The following HOMER1 variants were observed in gnomAD, a reference collection of about 807,000 sequenced individuals.
HOMER1 encodes homer scaffold protein 1.
Under a neutral mutation model 48.9 loss-of-function variants are expected in HOMER1, and 3 were observed. The ratio of observed to expected loss-of-function variants is 0.06; its 90% CI spans 0.03 to 0.16. The LOEUF (loss-of-function observed/expected upper bound fraction) is 0.16. Among genes scored for constraint, HOMER1 ranks in the 10% least tolerant of loss-of-function variants. HOMER1 has a pLI of 1.00. For synonymous variants in HOMER1, 134 were observed against 146.4 expected (o/e 0.92, Z 0.61); for missense variants, 247 against 411.4 (o/e 0.60, Z 3.46).
At chr5:79,451,468 G>A (rs1751025660) in intron 2 of HOMER1, among the ~76,000 whole-genome samples, 1 of 151,082 alleles carries the variant, frequency 6.6e-6, no homozygotes. Context: ...CTAGAAGAAG[G>A]TAGGCCTTAA....
At chr5:79,481,876 T>G (rs1350060818) in intron 1 of HOMER1, among the ~76,000 whole-genome samples, 1 of 152,346 alleles carries the variant, frequency 6.6e-6, no homozygotes, top group South Asian at 2.1e-4. Flanking sequence ...AAGATCATAC[T>G]GTTTCCAATC....
intron 5 of HOMER1, among the ~76,000 whole-genome samples, chr5:79,410,424 G>C (rs924093989): frequency 6.6e-6 from 1 of 151,058 alleles, no homozygotes; most frequent in Non-Finnish European, 1.5e-5. Flanking sequence ...CCAGGAGGCG[G>C]AGGCTGCAGT....
At chr5:79,496,855 G>GA (rs1232938629) in intron 1 of HOMER1, among the ~76,000 whole-genome samples, 2 of 151,350 alleles carry the variant, frequency 1.3e-5, no homozygotes, top group Non-Finnish European at 3.0e-5. Context: ...ACTTGAGGCC[G>GA]AGAGTTCGAG....
At chr5:79,423,034 T>G (rs1360137358) in intron 5 of HOMER1, among the ~76,000 whole-genome samples, 2 of 152,196 alleles carry the variant, frequency 1.3e-5, no homozygotes, top group Non-Finnish European at 2.9e-5. Context: ...CATCAAGGAC[T>G]GTAAGGTATG....
At chr5:79,453,622 T>G (rs920218297) in intron 2 of HOMER1, among the ~76,000 whole-genome samples, 1 of 152,172 alleles carries the variant, frequency 6.6e-6, no homozygotes, top group Non-Finnish European at 1.5e-5. Context: ...TTCTAGTCCT[T>G]TTAAGGAAAA....
intron 1 of HOMER1, among the ~76,000 whole-genome samples, chr5:79,464,362 C>T (rs66486165): frequency 0.27 from 40,323 of 152,038 alleles, 5,482 homozygotes; most frequent in South Asian, 0.39. Flanking sequence ...AACATTCTAC[C>T]CTCAGCTTGC....
At chr5:79,389,710 A>C (rs1162893504) in intron 8 of HOMER1, among the ~76,000 whole-genome samples, 4 of 152,212 alleles carry the variant, frequency 2.6e-5, no homozygotes. Context: ...TCGGCTTTCC[A>C]GCTGCCAGAA....
intron 5 of HOMER1, among the ~76,000 whole-genome samples, chr5:79,411,272 C>T (rs2112233952): frequency 6.6e-6 from 1 of 152,234 alleles, no homozygotes; most frequent in South Asian, 2.1e-4. Context: ...ATCGCTTGAG[C>T]TCAGGAGTTC....
intron 8 of HOMER1, among the ~76,000 whole-genome samples, chr5:79,391,787 A>G (rs1749260908): frequency 6.6e-6 from 1 of 151,970 alleles, no homozygotes; most frequent in Non-Finnish European, 1.5e-5. Context: ...AAGTAGACAC[A>G]TCACTACTAA....
intron 5 of HOMER1, among the ~76,000 whole-genome samples, chr5:79,431,566 C>CA (rs913912924): frequency 2.0e-4 from 31 of 152,146 alleles, no homozygotes; most frequent in African/African-American, 7.5e-4. Context: ...GATGGTTATA[C>CA]AACTCTGTGA....
chr5:79,453,785 C>T (rs561163480), intron 2 of HOMER1, among the ~76,000 whole-genome samples: 5 of 152,166 alleles, frequency 3.3e-5, no homozygotes, highest in African/African-American at 9.6e-5. Flanking sequence ...AGAACGAGTG[C>T]ACATTTTCTA....
At chr5:79,462,068 G>A (rs540076318) in intron 1 of HOMER1, among the ~76,000 whole-genome samples, 3 of 151,854 alleles carry the variant, frequency 2.0e-5, no homozygotes, top group Non-Finnish European at 2.9e-5. Context: ...GCACGGTGTC[G>A]CATGCCTATA....
intron 2 of HOMER1, among the ~76,000 whole-genome samples, chr5:79,452,915 T>C (rs1050407752): frequency 6.6e-6 from 1 of 152,176 alleles, no homozygotes; most frequent in Non-Finnish European, 1.5e-5. Context: ...TTGAATGGCA[T>C]CAAATGAAGT....
chr5:79,490,723 G>A (rs1193881552), intron 1 of HOMER1, among the ~76,000 whole-genome samples: 2 of 150,154 alleles, frequency 1.3e-5, no homozygotes, highest in Non-Finnish European at 2.9e-5. Context: ...CTTGAGGCCA[G>A]GAGTTTGATT....
chr5:79,375,595 A>C lies in HOMER1; in HGVS notation c.*414T>G, dbSNP rs1468998926. The C allele has an allele frequency of 1.3e-5, 2 of 152,758 alleles. No individual in the cohort carries two copies. Among genetic ancestry groups the C allele is most frequent in the African/African-American group, 2.4e-5 (1 of 41,466 alleles). The allele number at this position is 152,758 out of a possible 1,614,324, so 9.5% of individuals were successfully genotyped here. A position where few individuals can be genotyped will look rare whatever the true frequency, so the allele number is the denominator to read the frequency against. ...CTTTCATCACTAAGTTTTTGCACAA[A>C]ACACAGCTCTAGATATCGTAAATAA... On this transcript the variant is annotated 3_prime_UTR_variant, in exon 9 of 9. Coordinates refer to ENST00000334082, the MANE Select transcript of HOMER1 (RefSeq NM_004272.5).
In HOMER1 at chr5:79,439,053, G is replaced by A. The variant is rs1404268633; in HGVS notation, c.484C>T (p.Pro162Ser). 2 of 1,613,798 alleles carry A rather than the reference G, an allele frequency of 1.2e-6. No homozygotes were observed. Among genetic ancestry groups the A allele is most frequent in the Admixed American group, 1.7e-5 (1 of 60,000 alleles). ...GCATTCTGAGTTGGTTCAGCCCTTG[G>A]CTCTGAGTTCTGTGTCACATCAGGT... ...RTPDVTQNSE[P>S]RAEPTQNALP... Residue 162 changes from proline (P) to serine (S), a missense_variant, in exon 5 of 9, where the codon CCA (proline) becomes TCA (serine). By Grantham distance (74) the Pro-to-Ser change is moderately conservative (BLOSUM62 -1). Around this residue, in one of 4 missense-constraint regions of HOMER1, gnomAD observed 94 missense variants for 112.4 expected, o/e 0.84. Coordinates refer to ENST00000334082, the MANE Select transcript of HOMER1 (RefSeq NM_004272.5).
At chr5:79,498,722 T>C (rs942755354) in intron 1 of HOMER1, among the ~76,000 whole-genome samples, 3 of 152,006 alleles carry the variant, frequency 2.0e-5, no homozygotes, top group Non-Finnish European at 4.4e-5. Flanking sequence ...CTGGATACAA[T>C]ATGGTCCAAC....
intron 1 of HOMER1, among the ~76,000 whole-genome samples, chr5:79,473,300 A>C (rs1194294706): frequency 1.3e-5 from 2 of 152,250 alleles, no homozygotes; most frequent in Admixed American, 6.5e-5. Flanking sequence ...AAACTTTCTT[A>C]AACATTATCA....
intron 1 of HOMER1, among the ~76,000 whole-genome samples, chr5:79,485,153 T>C (rs185232615): frequency 1.3e-5 from 2 of 152,270 alleles, no homozygotes; most frequent in East Asian, 3.9e-4. Context: ...TTGCTTTCCC[T>C]GAGTAAAGTA....
Sources: allele counts gnomAD v4.1 joint callset (sites outside exome capture counted in the v4.1 genomes callset), GRCh38; gene constraint gnomAD v4.1.1; regional missense constraint gnomAD v4.1.1; transcripts MANE v1.5; gene names NCBI Gene and HGNC (gene_info 2026-07-23, HGNC 2026-07-21).